Variants in CYTH1 observed in about 807,000 individuals in gnomAD.
CYTH1 encodes cytohesin 1.
CYTH1 carries 18 observed loss-of-function variants against 61.8 expected under a neutral mutation model. The ratio of observed to expected loss-of-function variants is 0.29; its 90% confidence interval spans 0.20 to 0.43. The LOEUF is 0.43. Ranked by LOEUF, CYTH1 falls within the 20% of genes least tolerant of loss-of-function variation. CYTH1 has a pLI of 1.00. For missense variants in CYTH1, 336 were observed against 510.5 expected, an observed-to-expected ratio of 0.66 and a Z score of 3.29; for synonymous variants, 174 against 184.3, an observed-to-expected ratio of 0.94 and a Z score of 0.45.
intron 3 of CYTH1, among the ~76,000 whole-genome samples, chr17:78,703,590 C>T (rs1342819577): frequency 6.6e-6 from 1 of 152,110 alleles, no homozygotes; most frequent in African/African-American, 2.4e-5. Context: ...ACAGTTAATC[C>T]TTACTTCTAC....
At chr17:78,687,306 A>G (rs770293348) in intron 11 of CYTH1, among the ~76,000 whole-genome samples, 1 of 151,960 alleles carries the variant, frequency 6.6e-6, no homozygotes, top group Non-Finnish European at 1.5e-5. Flanking sequence ...ACTGCAGAAA[A>G]CACTGCTTCA....
In CYTH1 at chr17:78,776,160, C is replaced by CA. The variant is rs112175459; in HGVS notation, c.22+6041dup. Among the ~76,000 whole-genome samples the CA allele has an allele frequency of 3.7e-3, 553 of 151,472 alleles. 2 individuals carry two copies. Among genetic ancestry groups the CA allele is most frequent in the African/African-American group, 0.013 (530 of 41,306 alleles). On this transcript the variant is annotated intron_variant, in intron 1 of 13. Transcript: ENST00000446868. Reference sequence around the variant, plus strand: ...ACAGAGTAAAACTCTGTCTCAACAACAAAAAAAAGAAATTATGCTTAAAAA... The same window carrying CA: ...ACAGAGTAAAACTCTGTCTCAACAACAAAAAAAAAGAAATTATGCTTAAAAA...
intron 1 of CYTH1, among the ~76,000 whole-genome samples, chr17:78,771,974 A>G (rs762007615): frequency 2.0e-5 from 3 of 152,312 alleles, no homozygotes; most frequent in Non-Finnish European, 4.4e-5. Flanking sequence ...ACAGAGAAGC[A>G]AAACAACATT....
chr17:78,754,210 C>T (rs1017264861), intron 1 of CYTH1, among the ~76,000 whole-genome samples: 1 of 152,230 alleles, frequency 6.6e-6, no homozygotes, highest in Non-Finnish European at 1.5e-5. Flanking sequence ...CCAAGAGCAA[C>T]TGTCTTCTCT....
Position 78,700,334 on chromosome 17 carries a change from T to G in CYTH1, c.547A>C (p.Thr183Pro), listed in dbSNP as rs1415674002. 6.2e-7 allele frequency: 1 copy of G among 1,609,102 alleles called. No homozygotes were observed. The highest frequency in any genetic ancestry group is 1.7e-5 in the Admixed American group (1 of 59,336). ...TAGGATGAATGATCGTATTTACCCG[T>G]GGACTGGAACACGCCATTATTGCAC... ...CQCNNGVFQS[T>P]DTCYVLSFAI... The change falls in exon 7 of 14, where the codon ACG (threonine) becomes CCG (proline). Residue 183 changes from threonine to proline, a missense_variant. Thr to Pro is a conservative substitution (Grantham distance 38). This residue lies in a region of CYTH1 where 125 missense variants were observed against 209.9 expected (regional missense o/e 0.60). Transcript: ENST00000446868. This position sits in a 1 kb window ranked among gnomAD's most constrained non-coding sequence, Gnocchi z 5.1.
chr17:78,682,084 C>T (rs987844914), intron 11 of CYTH1, among the ~76,000 whole-genome samples: 7 of 149,092 alleles, frequency 4.7e-5, no homozygotes, highest in Admixed American at 1.3e-4. Flanking sequence ...TCATATTCCC[C>T]GTCCTCCTAA....
intron 3 of CYTH1, among the ~76,000 whole-genome samples, chr17:78,705,497 T>C (rs2093055968): frequency 1.3e-5 from 2 of 152,194 alleles, no homozygotes; most frequent in South Asian, 4.1e-4. Context: ...TTTCAGAAAG[T>C]GAAATCCTGT....
chr17:78,733,076 CAAAAAAAAAAAA>C (rs56020680), intron 1 of CYTH1, among the ~76,000 whole-genome samples: 12 of 47,722 alleles, frequency 2.5e-4, no homozygotes, highest in South Asian at 1.3e-3. Flanking sequence ...GACTCCATCT[CAAAAAAAAAAAA>C]AAAAAAAAAA....
At position 78,764,818 on chromosome 17, in the gene CYTH1, A is replaced by G. The variant is rs569797995; in HGVS notation, c.22+17384T>C. Reference sequence around the variant, plus strand: ...GCCCTGTTTCTGGCATGCACATGGGATAGGGGAGAGTAACAAAAGGGATGA... The same window carrying G: ...GCCCTGTTTCTGGCATGCACATGGGGTAGGGGAGAGTAACAAAAGGGATGA... On this transcript the variant is annotated intron_variant, in intron 1 of 13. Transcript: ENST00000446868. 3.9e-5 allele frequency among the ~76,000 whole-genome samples: 6 copies of G among 152,152 alleles called. No homozygotes were observed. The East Asian group carries it at 1.2e-3, about 29-fold the overall frequency.
chr17:78,693,309 T>C (rs1208317508), intron 10 of CYTH1, among the ~76,000 whole-genome samples: 2 of 152,152 alleles, frequency 1.3e-5, no homozygotes, highest in East Asian at 1.9e-4. Flanking sequence ...TGGTTCTTTT[T>C]AGTATTTCTC....
chr17:78,744,946 G>GA, intron 1 of CYTH1, among the ~76,000 whole-genome samples: 1 of 151,204 alleles, frequency 6.6e-6, no homozygotes, highest in Admixed American at 6.6e-5. Context: ...ACTCTTGCAA[G>GA]AAAAAAAATA....
At chr17:78,757,124 A>G (rs1317275221) in intron 1 of CYTH1, among the ~76,000 whole-genome samples, 1 of 150,006 alleles carries the variant, frequency 6.7e-6, no homozygotes, top group African/African-American at 2.5e-5. Flanking sequence ...ATTTTTTCAT[A>G]CTTTTAGTAG....
rs986652899 is a variant in CYTH1 at position 78,769,182 on chromosome 17, C to G, written c.22+13020G>C. On this transcript the variant is annotated intron_variant, in intron 1 of 13. Transcript: ENST00000446868. ...AAGCAAAATAATCAGCATAAAATAT[C>G]CCTGGTTTAAACCCTCTCATAGCTC... 2.0e-5 allele frequency among the ~76,000 whole-genome samples: 3 copies of G among 151,862 alleles called. No homozygotes were observed. In the South Asian group the frequency reaches 6.2e-4, roughly 32 times the overall value.
rs762448878 is a variant in CYTH1 at position 78,717,795 on chromosome 17, C to T, written c.23-8063G>A. Among the ~76,000 whole-genome samples, 3 of 152,154 alleles carry T rather than the reference C, an allele frequency of 2.0e-5. No homozygotes were observed. The highest frequency in any genetic ancestry group is 2.4e-5 in the African/African-American group (1 of 41,428). On this transcript the variant is annotated intron_variant, in intron 1 of 13. Transcript: ENST00000446868. This position sits in a 1 kb window ranked among gnomAD's most constrained non-coding sequence, Gnocchi z 4.4. The stretch of plus-strand genomic sequence containing the variant: ...CCAGGACCACACTGTCCTAAATCCC[C>T]GTGGGTACCGTCAAATGAACGTGTC...
intron 10 of CYTH1, among the ~76,000 whole-genome samples, chr17:78,694,446 A>G (rs150123610): frequency 8.1e-4 from 123 of 152,356 alleles, no homozygotes; most frequent in Non-Finnish European, 9.6e-4. Context: ...GGATACTATG[A>G]CATGCATGTG....
chr17:78,736,721 T>C (rs1466061466), intron 1 of CYTH1: 2 of 426,262 alleles, frequency 4.7e-6, no homozygotes, highest in Non-Finnish European at 9.9e-6. Flanking sequence ...AAGGACCATC[T>C]TGTTTCCTTA....
intron 1 of CYTH1, among the ~76,000 whole-genome samples, chr17:78,726,552 C>A (rs1041636098): frequency 1.3e-5 from 2 of 151,966 alleles, no homozygotes; most frequent in South Asian, 2.1e-4. Context: ...AGGTGCTATG[C>A]GGAGTGGGGC....
chr17:78,750,763 A>C (rs6501245), intron 1 of CYTH1, among the ~76,000 whole-genome samples: 150,288 of 150,288 alleles, frequency 1, 75,144 homozygotes, highest in Non-Finnish European at 1. Flanking sequence ...GATCACACCA[A>C]TGCGCTCCAG....
At chr17:78,727,873 G>C (rs1028123943) in intron 1 of CYTH1, 1 of 354,816 alleles carries the variant, frequency 2.8e-6, no homozygotes, top group African/African-American at 2.1e-5. Context: ...GGCAGCCAAG[G>C]AGAGCAGTGA....
Sources: allele counts gnomAD v4.1 joint callset (sites outside exome capture counted in the v4.1 genomes callset), GRCh38; gene constraint gnomAD v4.1.1; regional missense constraint gnomAD v4.1.1; non-coding constraint Gnocchi (gnomAD v3.1); transcripts MANE v1.5; gene names NCBI Gene and HGNC (gene_info 2026-07-23, HGNC 2026-07-21).